PCGF3: variants seen among roughly 807,000 people sequenced by gnomAD.
PCGF3 encodes polycomb group ring finger 3, also known as polycomb group RING finger protein 3.
In PCGF3, 7 loss-of-function variants were observed where a neutral mutation model predicts 33.1. The observed-to-expected ratio is 0.21, with a 90% CI of 0.12 to 0.40. The LOEUF is 0.40. Ranked by LOEUF, PCGF3 falls within the 10% of genes least tolerant of loss-of-function variation. The pLI, the probability that PCGF3 is intolerant of heterozygous loss-of-function variation, is 1.00. For synonymous variants in PCGF3, 153 were observed against 121.3 expected, an observed-to-expected ratio of 1.26 and a Z score of -1.72; for missense variants, 211 against 313.3, an observed-to-expected ratio of 0.67 and a Z score of 2.46.
chr4:706,703 A>C (rs1255101106), intron 1 of PCGF3, among the ~76,000 whole-genome samples: 28 of 103,248 alleles, frequency 2.7e-4, no homozygotes, highest in Middle Eastern at 8.6e-3. Flanking sequence ...GGGACCCCAG[A>C]CCAGGCAGGA....
At chr4:706,442 C>T (rs1003936759) in intron 1 of PCGF3, among the ~76,000 whole-genome samples, 7 of 127,468 alleles carry the variant, frequency 5.5e-5, no homozygotes, top group East Asian at 5.3e-4. Context: ...AAGACCCCAG[C>T]CCAGGCAGGA....
chr4:749,143 T>A (rs950981403), intron 8 of PCGF3, among the ~76,000 whole-genome samples: 10 of 152,252 alleles, frequency 6.6e-5, no homozygotes, highest in African/African-American at 2.2e-4. Flanking sequence ...CCAATTTTTT[T>A]AAATTGATCA....
At chr4:719,467 T>TG (rs1470752725) in intron 1 of PCGF3, among the ~76,000 whole-genome samples, 1 of 151,460 alleles carries the variant, frequency 6.6e-6, no homozygotes, top group Non-Finnish European at 1.5e-5. Flanking sequence ...TGCCGGAGAG[T>TG]GGTTTGTGTC....
intron 8 of PCGF3, chr4:757,281 C>G (rs1306727985): frequency 1.3e-5 from 2 of 152,246 alleles, no homozygotes; most frequent in Admixed American, 6.5e-5. Context: ...CACTGCAGAC[C>G]CCGCTGCCTC....
exon 11 of PCGF3, chr4:766,625 TTA>T (rs1277667353): frequency 2.0e-5 from 3 of 152,424 alleles, no homozygotes; most frequent in Non-Finnish European, 4.4e-5. Flanking sequence ...TCCATTAACA[TTA>T]TGATTTAACC....
chr4:758,260 C>T (rs530991936), intron 8 of PCGF3, among the ~76,000 whole-genome samples: 2 of 151,980 alleles, frequency 1.3e-5, no homozygotes, highest in Admixed American at 6.6e-5. Flanking sequence ...TCACCGGGCA[C>T]CCCCTTTCTC....
chr4:761,545 T>A, intron 9 of PCGF3, 129 bp downstream of exon 9: 1 of 1,395,050 alleles, frequency 7.2e-7, no homozygotes, highest in Non-Finnish European at 9.6e-7. Flanking sequence ...AAAAAATCCG[T>A]TTTGCCTGCT....
chr4:739,575 G>A (rs1269866643), intron 6 of PCGF3, among the ~76,000 whole-genome samples: 2 of 152,170 alleles, frequency 1.3e-5, no homozygotes, highest in Non-Finnish European at 2.9e-5. Context: ...CCTTCCCATT[G>A]TCCTGGGTTG....
chr4:768,018 A>G (rs1302580880), exon 11 of PCGF3: 1 of 152,696 alleles, frequency 6.5e-6, no homozygotes, highest in African/African-American at 2.4e-5. Context: ...ATTAAATCAC[A>G]GTTCAGATGA....
chr4:742,745 G>A (rs540605552), intron 6 of PCGF3, among the ~76,000 whole-genome samples: 6 of 152,330 alleles, frequency 3.9e-5, no homozygotes, highest in African/African-American at 1.4e-4. Context: ...GCTGCGGCCC[G>A]TCTGCCGCCG....
exon 11 of PCGF3, chr4:770,003 G>A (rs1169142765): frequency 1.3e-5 from 2 of 152,576 alleles, no homozygotes; most frequent in African/African-American, 4.8e-5. Flanking sequence ...TTGCTTAAAT[G>A]TTTTGATTTT....
chr4:714,331 C>T (rs1040002656), intron 1 of PCGF3, among the ~76,000 whole-genome samples: 3 of 152,190 alleles, frequency 2.0e-5, no homozygotes, highest in East Asian at 1.9e-4. Context: ...GCCGTTCGGC[C>T]GCATTTGCTT....
At chr4:740,143 G>A (rs1462115238) in intron 6 of PCGF3, among the ~76,000 whole-genome samples, 3 of 152,242 alleles carry the variant, frequency 2.0e-5, no homozygotes, top group East Asian at 1.9e-4. Context: ...TTCCTGAAAC[G>A]CGCGTTAGCT....
At position 720,750 on chromosome 4, in the gene PCGF3, C is replaced by T. The variant is rs538322446; in HGVS notation, c.-189-9880C>T. 1.3e-4 allele frequency among the ~76,000 whole-genome samples: 20 copies of T among 151,854 alleles called. No homozygotes were observed. In the East Asian group the frequency reaches 3.1e-3, roughly 24 times the overall value. On this transcript the variant is annotated intron_variant, in intron 1 of 10. Transcript: ENST00000362003. The surrounding 1 kb of genome is among the most constrained non-coding windows in gnomAD (Gnocchi z 5.6). Reference sequence around the variant, plus strand: ...GACGTGCGTGTGGACCCGGCGTGGACGCAGCCCCGACGTGAATGGATGTGG... The same window carrying T: ...GACGTGCGTGTGGACCCGGCGTGGATGCAGCCCCGACGTGAATGGATGTGG...
chr4:722,354 C>T (rs1743116979), intron 1 of PCGF3: 2 of 194,162 alleles, frequency 1.0e-5, no homozygotes, highest in Middle Eastern at 1.9e-3. Context: ...CTCCTCCCAG[C>T]ATCCCGCAGC....
chr4:716,378 G>A (rs1742838843), intron 1 of PCGF3, among the ~76,000 whole-genome samples: 1 of 147,306 alleles, frequency 6.8e-6, no homozygotes, highest in East Asian at 2.1e-4. Context: ...GACACTGTGA[G>A]TGTGAGAACT....
chr4:729,428 G>T (rs918625191), intron 1 of PCGF3, among the ~76,000 whole-genome samples: 3 of 148,246 alleles, frequency 2.0e-5, no homozygotes, highest in Admixed American at 6.7e-5. Flanking sequence ...AAAAAAAAAA[G>T]AAATAATAAT....
At chr4:709,236 T>A (rs1742461246) in intron 1 of PCGF3, among the ~76,000 whole-genome samples, 1 of 152,058 alleles carries the variant, frequency 6.6e-6, no homozygotes. Context: ...CAAGAGTGAA[T>A]GATGCATGAA....
intron 1 of PCGF3, among the ~76,000 whole-genome samples, chr4:728,863 G>A (rs2109584083): frequency 6.6e-6 from 1 of 152,258 alleles, no homozygotes; most frequent in East Asian, 1.9e-4. Context: ...ACTCTGGGAG[G>A]CCGAGGTGGG....
Sources: allele counts gnomAD v4.1 joint callset (sites outside exome capture counted in the v4.1 genomes callset), GRCh38; gene constraint gnomAD v4.1.1; non-coding constraint Gnocchi (gnomAD v3.1); transcripts MANE v1.5; gene names NCBI Gene and HGNC (gene_info 2026-07-23, HGNC 2026-07-21).